TMED6: variants seen among roughly 807,000 people sequenced by gnomAD.
TMED6 encodes the protein transmembrane emp24 domain-containing protein 6.
TMED6 carries 17 observed loss-of-function variants against 26.5 expected under a neutral mutation model. That is an observed-to-expected ratio of 0.64 (90% CI 0.44 to 0.96). The LOEUF (loss-of-function observed/expected upper bound fraction) is 0.96, where lower values mean the gene tolerates loss of function less well. TMED6 is among the 40% of genes least tolerant of loss of function. The pLI, the probability that TMED6 is intolerant of heterozygous loss-of-function variation, is 0.00. For missense variants in TMED6, 309 were observed against 296.5 expected (o/e 1.04, Z -0.31); for synonymous variants, 107 against 106.2 (o/e 1.01, Z -0.04).
intron 1 of TMED6, among the ~76,000 whole-genome samples, chr16:69,351,013 A>C (rs1308066209): frequency 1.3e-5 from 2 of 152,108 alleles, no homozygotes; most frequent in Non-Finnish European, 2.9e-5. Flanking sequence ...CCTTTGAATA[A>C]GTAACTTGAA....
At chr16:69,349,974 A>G (rs997496629) in intron 1 of TMED6, among the ~76,000 whole-genome samples, 10 of 152,222 alleles carry the variant, frequency 6.6e-5, no homozygotes, top group Middle Eastern at 3.4e-3. Context: ...TGGATCCACT[A>G]AAATGTATGA....
intron 1 of TMED6, among the ~76,000 whole-genome samples, chr16:69,350,358 G>C (rs1190819807): frequency 6.6e-6 from 1 of 151,068 alleles, no homozygotes; most frequent in Admixed American, 6.6e-5. Context: ...AGGCTGGAGT[G>C]CAGTGATCTT....
chr16:69,351,464 T>C (rs1258156322), intron 1 of TMED6, 77 bp downstream of exon 1: 1 of 1,389,360 alleles, frequency 7.2e-7, no homozygotes, highest in East Asian at 2.3e-5. Context: ...AGACCTTGTT[T>C]TGGCCTAAAA....
rs934760727 is a variant in TMED6 at position 69,347,930 on chromosome 16, T to C, written c.347A>G (p.Tyr116Cys). Reference sequence around the variant, plus strand: ...ATGCTGATTACTTAGACAAAGCTGATAAAAACCTGTAGGAATTCTTAGATC... The same window carrying C: ...ATGCTGATTACTTAGACAAAGCTGACAAAAACCTGTAGGAATTCTTAGATC... ...INFSTQETGFYQLCLSNQHNH... is the reference protein window; with the variant it reads ...INFSTQETGFCQLCLSNQHNH... The change falls in exon 3 of 4, where the codon TAT (tyrosine) becomes TGT (cysteine). Residue 116 changes from tyrosine (Y) to cysteine (C), a missense_variant. Tyr to Cys is a radical substitution (Grantham distance 194, BLOSUM62 -2). Transcript: ENST00000288025. 2 of 1,613,828 alleles carry C rather than the reference T, an allele frequency of 1.2e-6. No homozygotes were observed. The highest frequency in any genetic ancestry group is 2.7e-5 in the African/African-American group (2 of 74,906).
rs1293158781 is a variant in TMED6 at position 69,343,372 on chromosome 16, G to T, written c.*35C>A. Reference sequence around the variant, plus strand: ...ACAAAGCTGATTCGACTAAGCCCCAGAAGAAAACAGCCAGGGTGCTATAGT... The same window carrying T: ...ACAAAGCTGATTCGACTAAGCCCCATAAGAAAACAGCCAGGGTGCTATAGT... On this transcript the variant is annotated 3_prime_UTR_variant, in exon 4 of 4. Transcript: ENST00000288025. The T allele has an allele frequency of 2.5e-6, 4 of 1,569,240 alleles. No individual in the cohort carries two copies. The highest frequency in any genetic ancestry group is 2.6e-6 in the Non-Finnish European group (3 of 1,148,184).
At position 69,343,386 on chromosome 16, in the gene TMED6, G is replaced by A; in HGVS notation, c.*21C>T. On this transcript the variant is annotated 3_prime_UTR_variant, in exon 4 of 4. Coordinates refer to ENST00000288025, the MANE Select transcript of TMED6 (RefSeq NM_144676.4). The stretch of plus-strand genomic sequence containing the variant: ...ACTAAGCCCCAGAAGAAAACAGCCA[G>A]GGTGCTATAGTCACCTTAGCTTAGC... 3.1e-6 allele frequency: 5 copies of A among 1,588,788 alleles called. No individual in the cohort carries two copies. The highest frequency in any genetic ancestry group is 4.3e-6 in the Non-Finnish European group (5 of 1,161,080).
rs554489766 is a variant in TMED6 at position 69,349,889 on chromosome 16, G to A, written c.214-238C>T. Among the ~76,000 whole-genome samples the A allele has an allele frequency of 2.6e-5, 4 of 152,276 alleles. No individual in the cohort carries two copies. The South Asian group carries it at 8.3e-4, about 32-fold the overall frequency. On this transcript the variant is annotated intron_variant, in intron 1 of 3. Transcript: ENST00000288025. ...CTGCAATGTAAGAAACAGTACAGCA[G>A]GACAAAGAACTGCCCAGAATGCCAA...
chr16:69,343,463 A>G lies in TMED6; in HGVS notation c.667T>C (p.Leu223=), dbSNP rs779586653. 4.3e-6 allele frequency: 7 copies of G among 1,614,108 alleles called. No individual in the cohort carries two copies. In the Admixed American group the frequency reaches 6.7e-5, roughly 15 times the overall value. The change falls in exon 4 of 4, where the codon TTG becomes CTG. Residue 223 remains leucine (L), a synonymous_variant. Transcript: ENST00000288025. The part of the protein sequence containing the change: ...ILSGILQLYF[L]KRLFNVPTTT... ...GTTGGAACATTGAAGAGACGCTTCA[A>G]GAAATACAGTTGCAGGATCCCAGAA...
At chr16:69,345,235 C>T (rs1055169658) in intron 3 of TMED6, among the ~76,000 whole-genome samples, 1 of 151,962 alleles carries the variant, frequency 6.6e-6, no homozygotes. Flanking sequence ...CAAGATCACG[C>T]CACTGCACTC....
At chr16:69,347,728 C>T (rs2012707275) in intron 3 of TMED6, 60 bp downstream of exon 3, 7 of 1,600,142 alleles carry the variant, frequency 4.4e-6, no homozygotes, top group Non-Finnish European at 5.1e-6. Flanking sequence ...AAGTCATCTT[C>T]CCTCTGAAGT....
chr16:69,347,196 G>C (rs1329076230), intron 3 of TMED6, among the ~76,000 whole-genome samples: 1 of 152,170 alleles, frequency 6.6e-6, no homozygotes, highest in Non-Finnish European at 1.5e-5. Context: ...GCACAGCCTT[G>C]TGAATATACT....
At chr16:69,345,271 C>T (rs1379257451) in intron 3 of TMED6, among the ~76,000 whole-genome samples, 2 of 147,324 alleles carry the variant, frequency 1.4e-5, no homozygotes, top group South Asian at 2.2e-4. Flanking sequence ...AATGAAACTC[C>T]GTCTCAAAAA....
chr16:69,344,762 G>C (rs1179075517), intron 3 of TMED6, among the ~76,000 whole-genome samples: 1 of 143,810 alleles, frequency 7.0e-6, no homozygotes, highest in Non-Finnish European at 1.5e-5. Context: ...GACAGCACAA[G>C]ACTTTGTCTC....
chr16:69,348,665 G>C (rs930599565), intron 2 of TMED6, among the ~76,000 whole-genome samples: 1 of 152,036 alleles, frequency 6.6e-6, no homozygotes, highest in Non-Finnish European at 1.5e-5. Flanking sequence ...GCCCAGACCG[G>C]AGTGCAATGG....
chr16:69,343,327 G>A lies in TMED6; in HGVS notation c.*80C>T. 8.0e-7 allele frequency: 1 copy of A among 1,250,792 alleles called. No individual in the cohort carries two copies. The highest frequency in any genetic ancestry group is 1.1e-6 in the Non-Finnish European group (1 of 899,256). The allele number at this position is 1,250,792 out of a possible 1,614,324, so 77.5% of individuals were successfully genotyped here. On this transcript the variant is annotated 3_prime_UTR_variant, in exon 4 of 4. Transcript: ENST00000288025. Reference sequence around the variant, plus strand: ...AGACTAAAACATTAATGAGATAATTGATTTTTGTCCCATAACATTACAAAG... The same window carrying A: ...AGACTAAAACATTAATGAGATAATTAATTTTTGTCCCATAACATTACAAAG...
chr16:69,347,105 T>C (rs1388166247), intron 3 of TMED6, among the ~76,000 whole-genome samples: 1 of 151,972 alleles, frequency 6.6e-6, no homozygotes, highest in Non-Finnish European at 1.5e-5. Context: ...CCTGGGGTAA[T>C]AGAATGGAGA....
At position 69,343,508 on chromosome 16, in the gene TMED6, G is replaced by A. The variant is rs1211634920; in HGVS notation, c.622C>T (p.Gln208Ter). The change falls in exon 4 of 4, where the codon CAG (glutamine) becomes TAG (stop). Residue 208 changes from glutamine (Q) to a stop codon, truncating the protein, a stop_gained. Coordinates refer to ENST00000288025, the MANE Select transcript of TMED6 (RefSeq NM_144676.4). LOFTEE classifies it high-confidence loss of function. ...CCAGAAAGAATAATAACAAGGCTCTGGGCTGTCGACCACCAGTTCACGTAG... is the reference window on the plus strand; with the variant it reads ...CCAGAAAGAATAATAACAAGGCTCTAGGCTGTCGACCACCAGTTCACGTAG... ...YNYVNWWSTA[Q>*]SLVIILSGIL... 6.2e-7 allele frequency: 1 copy of A among 1,614,120 alleles called. No homozygotes were observed. The highest frequency in any genetic ancestry group is 1.7e-5 in the Admixed American group (1 of 59,994).
chr16:69,344,276 G>A (rs1014130217), intron 3 of TMED6, among the ~76,000 whole-genome samples: 2 of 152,174 alleles, frequency 1.3e-5, no homozygotes, highest in African/African-American at 4.8e-5. Context: ...GAAGACAAGG[G>A]CCTGTGGACT....
intron 1 of TMED6, 35 bp from the exon 2 acceptor site, chr16:69,349,686 T>G: frequency 1.2e-6 from 2 of 1,600,264 alleles, no homozygotes; most frequent in Non-Finnish European, 1.7e-6. Context: ...GCAGAACCCC[T>G]GCTACATCAC....
Sources: allele counts gnomAD v4.1 joint callset (sites outside exome capture counted in the v4.1 genomes callset), GRCh38; gene constraint gnomAD v4.1.1; transcripts MANE v1.5; gene names NCBI Gene and HGNC (gene_info 2026-07-23, HGNC 2026-07-21).